The following STARD6 variants were observed in gnomAD, a reference collection of about 807,000 sequenced individuals.
STARD6 encodes the protein stAR-related lipid transfer protein 6.
STARD6 carries 21 observed loss-of-function variants against 22.3 expected under a neutral mutation model. The observed-to-expected ratio is 0.94, with a 90% confidence interval of 0.67 to 1.35. STARD6 has a LOEUF of 1.35. Among genes scored for constraint, STARD6 ranks in the 40% most tolerant of loss-of-function variants. STARD6 has a pLI of 0.00. For missense variants in STARD6, 269 were observed against 266.9 expected, an observed-to-expected ratio of 1.01 and a Z score of -0.05; for synonymous variants, 80 against 88.1, an observed-to-expected ratio of 0.91 and a Z score of 0.52.
rs780963203 is a variant in STARD6 at position 54,354,502 on chromosome 18, C to A, written c.72G>T (p.Trp24Cys). Residue 24 changes from tryptophan to cysteine, a missense_variant, in exon 3 of 8, where the codon TGG becomes TGT. By Grantham distance (215) the Trp-to-Cys change is radical. Transcript: ENST00000307844. ...TTCTTACTGAAGTTTTAACCACTTT[C>A]CAGCCTGATGTATCTCGATTATAAC... ...VLGYNRDTSG[W>C]KVVKTSKKIT... The A allele has an allele frequency of 9.3e-6, 15 of 1,613,156 alleles. No homozygotes were observed. Among genetic ancestry groups the A allele is most frequent in the Admixed American group, 1.7e-5 (1 of 59,928 alleles).
intron 5 of STARD6, among the ~76,000 whole-genome samples, chr18:54,333,716 C>T (rs2088885433): frequency 6.6e-6 from 1 of 152,140 alleles, no homozygotes; most frequent in Non-Finnish European, 1.5e-5. Flanking sequence ...TAACTCTTCT[C>T]TCCTAGATTT....
intron 4 of STARD6, among the ~76,000 whole-genome samples, chr18:54,342,323 C>T (rs2088976611): frequency 1.3e-5 from 2 of 152,200 alleles, no homozygotes; most frequent in South Asian, 4.1e-4. Flanking sequence ...TTACATAAAT[C>T]CTCCACAAAC....
intron 4 of STARD6, among the ~76,000 whole-genome samples, chr18:54,347,655 G>A (rs1000700676): frequency 1.3e-5 from 2 of 152,122 alleles, no homozygotes; most frequent in African/African-American, 4.8e-5. Flanking sequence ...TAAGAAAAAT[G>A]TTAAGTTTAG....
At chr18:54,348,660 A>G (rs1462911840) in intron 4 of STARD6, among the ~76,000 whole-genome samples, 1 of 152,196 alleles carries the variant, frequency 6.6e-6, no homozygotes, top group Admixed American at 6.5e-5. Context: ...AAAAGTATTT[A>G]GCATGGTGCC....
intron 6 of STARD6, among the ~76,000 whole-genome samples, chr18:54,331,104 A>T (rs2088861433): frequency 6.6e-6 from 1 of 152,148 alleles, no homozygotes; most frequent in African/African-American, 2.4e-5. Context: ...ATTAATTCAA[A>T]TTATAGAGAA....
chr18:54,331,759 T>G lies in STARD6; in HGVS notation c.368A>C (p.Asn123Thr), dbSNP rs771266736. Residue 123 changes from asparagine to threonine, a missense_variant, in exon 6 of 8, where the codon AAT becomes ACT. Asn to Thr is a moderately conservative substitution (Grantham distance 65). Transcript: ENST00000307844. ...DLVYIKRYEG[N>T]MNIISSKSVD... ...CAACTTACAACTGATAATGTTCATA[T>G]TTCCTTCGTAGCGCTTGATGTACAC... 6.2e-7 allele frequency: 1 copy of G among 1,609,738 alleles called. No individual in the cohort carries two copies. The highest frequency in any genetic ancestry group is 1.7e-4 in the Middle Eastern group (1 of 6,048).
chr18:54,356,751 G>C (rs78412021), intron 1 of STARD6, among the ~76,000 whole-genome samples: 4,409 of 152,290 alleles, frequency 0.029, 77 homozygotes, highest in Non-Finnish European at 0.046. Context: ...AACAAGGATT[G>C]TTAATCCCCG....
At position 54,351,907 on chromosome 18, in the gene STARD6, T is replaced by G. The variant is rs1411093809; in HGVS notation, c.140+2147A>C. Among the ~76,000 whole-genome samples, 369 of 149,398 alleles carry G rather than the reference T, an allele frequency of 2.5e-3. 4 individuals are homozygous for G. The highest frequency in any genetic ancestry group is 8.7e-3 in the African/African-American group (350 of 40,138). On this transcript the variant is annotated intron_variant, in intron 4 of 7. Coordinates refer to ENST00000307844, the MANE Select transcript of STARD6 (RefSeq NM_139171.2). ...ATCAGGGATATTGGTCCGTTTTTTT[T>G]TTTTTTTTTTTTTTAATGTCCTTTA... is the stretch of plus-strand genomic sequence containing the variant.
At position 54,346,126 on chromosome 18, in the gene STARD6, G is replaced by C. The variant is rs183191817; in HGVS notation, c.140+7928C>G. ...AAGGATACCATCAAGAGAGTGAGAA[G>C]ACAACCTACAGAATGGGAGAAAATA... is the stretch of plus-strand genomic sequence containing the variant. On this transcript the variant is annotated intron_variant, in intron 4 of 7. Coordinates refer to ENST00000307844, the MANE Select transcript of STARD6 (RefSeq NM_139171.2). Among the ~76,000 whole-genome samples the C allele has an allele frequency of 9.9e-4, 150 of 152,140 alleles. 1 individual carries two copies. The highest frequency in any genetic ancestry group is 3.4e-3 in the African/African-American group (140 of 41,514).
At chr18:54,343,502 G>A (rs2089001980) in intron 4 of STARD6, among the ~76,000 whole-genome samples, 1 of 99,658 alleles carries the variant, frequency 1.0e-5, no homozygotes, top group Non-Finnish European at 2.1e-5. Context: ...TGGGAAGTGA[G>A]GAGCCCCTCT....
intron 7 of STARD6, 53 bp downstream of exon 7, chr18:54,329,294 A>C (rs1422523748): frequency 2.8e-6 from 4 of 1,413,942 alleles, no homozygotes; most frequent in Non-Finnish European, 3.8e-6. Flanking sequence ...AAACTAAATC[A>C]CAAGTTGAAC....
chr18:54,331,745 T>G lies in STARD6; in HGVS notation c.382A>C (p.Ser128Arg). ...KRYEGNMNII[S>R]SKSVDFPEYP... ...TGGGCAAAATGTTTCAACTTACAAC[T>G]GATAATGTTCATATTTCCTTCGTAG... The change falls in exon 6 of 8, where the codon AGT (serine) becomes CGT (arginine). Residue 128 changes from serine (S) to arginine (R), a missense_variant. Coordinates refer to ENST00000307844, the MANE Select transcript of STARD6 (RefSeq NM_139171.2). 2 of 1,602,674 alleles carry G rather than the reference T, an allele frequency of 1.2e-6. No homozygotes were observed. Among genetic ancestry groups the G allele is most frequent in the Non-Finnish European group, 1.7e-6 (2 of 1,171,912 alleles).
chr18:54,330,905 T>G (rs1045369744), intron 6 of STARD6, among the ~76,000 whole-genome samples: 1 of 152,116 alleles, frequency 6.6e-6, no homozygotes, highest in Non-Finnish European at 1.5e-5. Context: ...GAAACATATA[T>G]GAACATTATG....
At chr18:54,345,490 C>A in intron 4 of STARD6, among the ~76,000 whole-genome samples, 1 of 152,118 alleles carries the variant, frequency 6.6e-6, no homozygotes, top group East Asian at 1.9e-4. Context: ...GGCAATAATT[C>A]TCCAAATTGA....
chr18:54,335,720 CT>C (rs1044674519), intron 5 of STARD6, among the ~76,000 whole-genome samples: 3 of 152,094 alleles, frequency 2.0e-5, no homozygotes, highest in African/African-American at 7.2e-5. Context: ...TGAGTGAGTT[CT>C]CATGAGATCT....
chr18:54,331,624 A>C, intron 6 of STARD6, 118 bp downstream of exon 6: 2 of 718,622 alleles, frequency 2.8e-6, no homozygotes, highest in East Asian at 2.8e-5. Flanking sequence ...TGATCCCACT[A>C]AGTAAATTTA....
chr18:54,347,528 A>G (rs2089048464), intron 4 of STARD6, among the ~76,000 whole-genome samples: 1 of 152,144 alleles, frequency 6.6e-6, no homozygotes, highest in Admixed American at 6.5e-5. Context: ...TACAATATTC[A>G]TCACTGAATA....
In STARD6 at chr18:54,337,120, A is replaced by G. The variant is rs1385158107; in HGVS notation, c.267+5T>C. On this transcript the variant is annotated splice_donor_5th_base_variant and intron_variant, in intron 5 of 7. Transcript: ENST00000307844. ...CTAGAAGTCCAGTATTAAACAACAA[A>G]TTACCGAATCAATCCTGTGTACCAT... The G allele has an allele frequency of 1.2e-6, 2 of 1,604,370 alleles. No homozygotes were observed. Among genetic ancestry groups the G allele is most frequent in the Non-Finnish European group, 1.7e-6 (2 of 1,176,238 alleles).
rs2088808814 is a variant in STARD6 at position 54,324,754 on chromosome 18, C to A, written c.601G>T (p.Asp201Tyr). ...NLVNFILNAK[D>Y]GIKAHRTPSR... ...GGAGTTCTGTGTGCCTTTATTCCAT[C>A]TTTTGCATTGAGGATGAAGTTTACT... is the stretch of plus-strand genomic sequence containing the variant. Residue 201 changes from aspartate to tyrosine, a missense_variant, in exon 8 of 8, where the codon GAT (aspartate) becomes TAT (tyrosine). Physicochemically the swap from Asp to Tyr is radical, Grantham distance 160. Transcript: ENST00000307844. 5.0e-6 allele frequency: 8 copies of A among 1,612,358 alleles called. No homozygotes were observed. Among genetic ancestry groups the A allele is most frequent in the South Asian group, 1.1e-5 (1 of 90,966 alleles).
Sources: gnomAD v4.1 joint callset for allele counts (sites outside exome capture counted in the v4.1 genomes callset) on GRCh38, gnomAD v4.1.1 for gene constraint, MANE v1.5 for transcripts, NCBI Gene and HGNC (gene_info 2026-07-23, HGNC 2026-07-21) for gene names.